ARHGAP8: variants seen among roughly 807,000 people sequenced by gnomAD.
ARHGAP8 encodes the protein rho GTPase-activating protein 8.
Under a neutral mutation model 46.1 loss-of-function variants are expected in ARHGAP8, and 62 were observed. The observed-to-expected ratio is 1.34, with a 90% CI of 1.10 to 1.66. The LOEUF is 1.66. Ranked by LOEUF, ARHGAP8 falls within the 40% of genes most tolerant of loss-of-function variation. The probability of loss-of-function intolerance (pLI) is 0.00; values close to 1 mark genes in which losing one functional copy is unlikely to be tolerated. For missense variants in ARHGAP8, 923 were observed against 568.4 expected, an observed-to-expected ratio of 1.62 and a Z score of -6.34; for synonymous variants, 375 against 243.1, an observed-to-expected ratio of 1.54 and a Z score of -5.05.
In ARHGAP8 at chr22:44,859,447, A is replaced by G. The variant is rs536464765; in HGVS notation, c.878-284A>G. ...ATTGGAAGCCTCCTGAGGCTTCTCC[A>G]GAAGCTGAACAGGTGCTGGTGCCAT... On this transcript the variant is annotated intron_variant, in intron 10 of 11. Coordinates refer to ENST00000356099, the MANE Select transcript of ARHGAP8 (RefSeq NM_181335.3). Among the ~76,000 whole-genome samples, 3 of 152,286 alleles carry G rather than the reference A, an allele frequency of 2.0e-5. No individual in the cohort carries two copies. In the South Asian group the frequency reaches 6.2e-4, roughly 32 times the overall value.
chr22:44,824,918 C>T (rs958835238), intron 6 of ARHGAP8, among the ~76,000 whole-genome samples: 1 of 151,916 alleles, frequency 6.6e-6, no homozygotes, highest in African/African-American at 2.4e-5. Context: ...CAGGCGTGAG[C>T]CACCGTGCCG....
intron 5 of ARHGAP8, among the ~76,000 whole-genome samples, chr22:44,819,608 G>T (rs1392906307): frequency 6.6e-6 from 1 of 152,202 alleles, no homozygotes; most frequent in East Asian, 1.9e-4. Flanking sequence ...GGGAGACGGA[G>T]GTTGCAGTGA....
rs1481544265 is a variant in ARHGAP8 at position 44,791,002 on chromosome 22, G to A, written c.79+4396G>A. On this transcript the variant is annotated intron_variant, in intron 2 of 11. Coordinates refer to ENST00000356099, the MANE Select transcript of ARHGAP8 (RefSeq NM_181335.3). ...CCCTCATTGGCCTCCCAAAGTGCCA[G>A]GATTACAGGCGTGAGCCACCGCACC... Among the ~76,000 whole-genome samples, 5 of 152,146 alleles carry A rather than the reference G, an allele frequency of 3.3e-5. No homozygotes were observed. The East Asian group carries it at 9.8e-4, about 30-fold the overall frequency.
intron 8 of ARHGAP8, 32 bp downstream of exon 8, chr22:44,845,374 T>A: frequency 1.2e-6 from 2 of 1,613,448 alleles, no homozygotes; most frequent in South Asian, 1.1e-5. Context: ...CTGGATGACG[T>A]GAGGGCTGCT....
intron 5 of ARHGAP8, among the ~76,000 whole-genome samples, chr22:44,815,488 C>A (rs546420281): frequency 6.6e-6 from 1 of 152,024 alleles, no homozygotes; most frequent in African/African-American, 2.4e-5. Flanking sequence ...ATTACCAGGC[C>A]GACTCTCCCA....
chr22:44,837,074 G>A (rs1179385581), intron 7 of ARHGAP8, among the ~76,000 whole-genome samples: 2 of 152,080 alleles, frequency 1.3e-5, no homozygotes, highest in African/African-American at 2.4e-5. Context: ...TGGTAGAAAC[G>A]GGGTTTCACC....
chr22:44,796,556 CCCACTGA>C (rs1379625294), intron 2 of ARHGAP8, among the ~76,000 whole-genome samples: 1 of 151,002 alleles, frequency 6.6e-6, no homozygotes, highest in African/African-American at 2.5e-5. Context: ...TCCCATCAAT[CCCACTGA>C]AGAAATGAAG....
Position 44,849,036 on chromosome 22 carries a change from T to C in ARHGAP8, c.853T>C (p.Tyr285His). The C allele has an allele frequency of 6.2e-7, 1 of 1,614,022 alleles. No individual in the cohort carries two copies. The highest frequency in any genetic ancestry group is 8.5e-7 in the Non-Finnish European group (1 of 1,179,952). The change falls in exon 10 of 12, where the codon TAC (tyrosine) becomes CAC (histidine). Residue 285 changes from tyrosine (Y) to histidine (H), a missense_variant. Coordinates refer to ENST00000356099, the MANE Select transcript of ARHGAP8 (RefSeq NM_181335.3). ...CCAGCCGCTTCTGACCTTCCAGGCC[T>C]ACGAGCAGATTCTCGGGATCACCTG... The part of the protein sequence containing the change: ...LPQPLLTFQA[Y>H]EQILGITCVE...
chr22:44,817,167 G>A (rs1034649258), intron 5 of ARHGAP8, among the ~76,000 whole-genome samples: 4 of 152,314 alleles, frequency 2.6e-5, no homozygotes, highest in South Asian at 2.1e-4. Context: ...GATTACAGGC[G>A]TGAGCCACCA....
intron 7 of ARHGAP8, among the ~76,000 whole-genome samples, chr22:44,840,458 A>G (rs1435314656): frequency 1.3e-5 from 2 of 151,918 alleles, no homozygotes; most frequent in Admixed American, 1.3e-4. Flanking sequence ...TCTGCTCACT[A>G]GATCCTCTGC....
chr22:44,771,889 A>G (rs1275250595), intron 1 of ARHGAP8, among the ~76,000 whole-genome samples: 1 of 152,114 alleles, frequency 6.6e-6, no homozygotes, highest in Non-Finnish European at 1.5e-5. Flanking sequence ...TCCAATCTTT[A>G]TGCCTTTTTC....
intron 1 of ARHGAP8, among the ~76,000 whole-genome samples, chr22:44,770,313 G>A (rs1444450572): frequency 6.6e-6 from 1 of 151,954 alleles, no homozygotes; most frequent in Non-Finnish European, 1.5e-5. Flanking sequence ...CCACTTCTGG[G>A]TGGGGGCTAC....
At chr22:44,779,112 T>TC (rs1569140308) in intron 1 of ARHGAP8, among the ~76,000 whole-genome samples, 20 of 150,274 alleles carry the variant, frequency 1.3e-4, no homozygotes, top group East Asian at 3.9e-4. Flanking sequence ...TTTTTTTTTT[T>TC]TTTTTGAGAC....
intron 1 of ARHGAP8, among the ~76,000 whole-genome samples, chr22:44,770,158 TGC>T (rs1925891795): frequency 6.6e-6 from 1 of 151,968 alleles, no homozygotes; most frequent in Non-Finnish European, 1.5e-5. Flanking sequence ...GCAGGAGAAT[TGC>T]TTAAACCCAG....
chr22:44,831,624 G>C (rs1006776441), intron 7 of ARHGAP8, among the ~76,000 whole-genome samples: 1 of 152,106 alleles, frequency 6.6e-6, no homozygotes, highest in African/African-American at 2.4e-5. Flanking sequence ...GCTTGAACCT[G>C]GGAGGCGGAG....
intron 7 of ARHGAP8, among the ~76,000 whole-genome samples, chr22:44,830,395 A>G (rs150290597): frequency 0.019 from 2,865 of 151,102 alleles, 48 homozygotes; most frequent in Middle Eastern, 0.048. Flanking sequence ...GCAGTGGCAC[A>G]ATCTTGGCTC....
At chr22:44,845,221 C>G in intron 7 of ARHGAP8, 48 bp from the exon 8 acceptor site, 1 of 1,610,686 alleles carries the variant, frequency 6.2e-7, no homozygotes, top group South Asian at 1.1e-5. Context: ...ATTGTGATCA[C>G]CCATCAAGCT....
In ARHGAP8 at chr22:44,808,306, G is replaced by C; in HGVS notation, c.168-1G>C. On this transcript the variant is annotated splice_acceptor_variant, in intron 3 of 11. Transcript: ENST00000356099. LOFTEE classifies it high-confidence loss of function. ...AACTGAATCTTCTGTGTTGTGCCCA[G>C]GTATTTGAAGTACACACTGGACCAA... 1 of 1,611,940 alleles carries C rather than the reference G, an allele frequency of 6.2e-7. No individual in the cohort carries two copies. The highest frequency in any genetic ancestry group is 8.5e-7 in the Non-Finnish European group (1 of 1,178,644).
chr22:44,772,991 A>AT (rs761317477), intron 1 of ARHGAP8, among the ~76,000 whole-genome samples: 16 of 151,770 alleles, frequency 1.1e-4, no homozygotes, highest in South Asian at 2.1e-4. Context: ...GCTAATCTTT[A>AT]TTTTTTGTAG....
Sources: allele counts gnomAD v4.1 joint callset (sites outside exome capture counted in the v4.1 genomes callset), GRCh38; gene constraint gnomAD v4.1.1; transcripts MANE v1.5; gene names NCBI Gene and HGNC (gene_info 2026-07-23, HGNC 2026-07-21).